The following GRIP1 variants were observed in gnomAD, a reference collection of about 807,000 sequenced individuals.
GRIP1 encodes glutamate receptor interacting protein 1, also known as glutamate receptor-interacting protein 1.
In GRIP1, 45 loss-of-function variants were observed where a neutral mutation model predicts 129.9. The ratio of observed to expected loss-of-function variants is 0.35; its 90% CI spans 0.27 to 0.44. The LOEUF (loss-of-function observed/expected upper bound fraction) is 0.44, where lower values mean the gene tolerates loss of function less well. Ranked by LOEUF, GRIP1 falls within the 20% of genes least tolerant of loss-of-function variation. The probability of loss-of-function intolerance (pLI) is 1.00; values close to 1 mark genes in which losing one functional copy is unlikely to be tolerated. For missense variants in GRIP1, 1,196 were observed against 1,396.8 expected (o/e 0.86, Z 2.29); for synonymous variants, 530 against 520.8 (o/e 1.02, Z -0.24).
At position 66,926,066 on chromosome 12, in the gene GRIP1, C is replaced by T. The variant is rs555481810; in HGVS notation, c.58+142984G>A. ...TCCAAGACTAATGATAATAGACATACTAAGAGGTGAATGGACAGACTTTCC... is the reference window on the plus strand; with the variant it reads ...TCCAAGACTAATGATAATAGACATATTAAGAGGTGAATGGACAGACTTTCC... On this transcript the variant is annotated intron_variant, in intron 1 of 1. Transcript: ENST00000643019. Among the ~76,000 whole-genome samples, 6 of 152,260 alleles carry T rather than the reference C, an allele frequency of 3.9e-5. No individual in the cohort carries two copies. In the East Asian group the frequency reaches 7.7e-4, roughly 20 times the overall value.
chr12:66,655,357 G>A (rs2033080732), intron 1 of GRIP1, among the ~76,000 whole-genome samples: 1 of 152,070 alleles, frequency 6.6e-6, no homozygotes, highest in African/African-American at 2.4e-5. Flanking sequence ...CTGCAAAATT[G>A]AGAAAAGGGT....
chr12:66,572,462 G>A (rs1382198258), intron 2 of GRIP1, among the ~76,000 whole-genome samples: 1 of 152,130 alleles, frequency 6.6e-6, no homozygotes, highest in Non-Finnish European at 1.5e-5. Context: ...GAGGGATCAG[G>A]GCAACTCTCA....
At chr12:66,942,138 T>C (rs965282632) in intron 1 of GRIP1, among the ~76,000 whole-genome samples, 8 of 152,218 alleles carry the variant, frequency 5.3e-5, no homozygotes, top group African/African-American at 1.9e-4. Context: ...TGTTCATTAT[T>C]TTCTGATAAG....
At chr12:66,727,405 C>G (rs1483095821) in intron 1 of GRIP1, among the ~76,000 whole-genome samples, 1 of 152,184 alleles carries the variant, frequency 6.6e-6, no homozygotes, top group Admixed American at 6.5e-5. Flanking sequence ...GCTCAGTCCT[C>G]TTGCTCTTGG....
chr12:67,038,296 G>A (rs1239472871), intron 1 of GRIP1, among the ~76,000 whole-genome samples: 2 of 152,178 alleles, frequency 1.3e-5, no homozygotes, highest in African/African-American at 4.8e-5. Context: ...ATTCCTGTGA[G>A]CCAGCTCCAT....
At chr12:66,863,781 T>C (rs1205880783) in intron 1 of GRIP1, among the ~76,000 whole-genome samples, 3 of 152,130 alleles carry the variant, frequency 2.0e-5, no homozygotes, top group African/African-American at 7.2e-5. Flanking sequence ...TGCAGATCGA[T>C]AATTTTATAA....
At position 66,425,738 on chromosome 12, in the gene GRIP1, C is replaced by T. The variant is rs528119062; in HGVS notation, c.1769-4949G>A. Among the ~76,000 whole-genome samples, 34 of 151,868 alleles carry T rather than the reference C, an allele frequency of 2.2e-4. 2 individuals carry two copies. The South Asian group carries it at 5.4e-3, about 24-fold the overall frequency. On this transcript the variant is annotated intron_variant, in intron 14 of 24. Coordinates refer to ENST00000359742, the MANE Select transcript of GRIP1 (RefSeq NM_001366722.1). ...ATCGCAAGGACAAAAAACCAAACACCGCATATTCTCACTCATAGGTGGGAA... is the reference window on the plus strand; with the variant it reads ...ATCGCAAGGACAAAAAACCAAACACTGCATATTCTCACTCATAGGTGGGAA...
chr12:66,434,287 G>A (rs1244292188), intron 13 of GRIP1, among the ~76,000 whole-genome samples: 3 of 151,980 alleles, frequency 2.0e-5, no homozygotes, highest in Non-Finnish European at 4.4e-5. Context: ...TCCCTCCTTC[G>A]CTCTGGTTTT....
At chr12:66,555,325 A>G (rs910965312) in intron 2 of GRIP1, among the ~76,000 whole-genome samples, 3 of 152,190 alleles carry the variant, frequency 2.0e-5, no homozygotes, top group African/African-American at 7.2e-5. Flanking sequence ...TGAGTCTATA[A>G]GAGCCATAGC....
At chr12:67,002,226 CTAT>C (rs1388308490) in intron 1 of GRIP1, among the ~76,000 whole-genome samples, 1 of 152,182 alleles carries the variant, frequency 6.6e-6, no homozygotes, top group Non-Finnish European at 1.5e-5. Flanking sequence ...TGTAGCACAA[CTAT>C]TTTTTCCCAC....
intron 1 of GRIP1, among the ~76,000 whole-genome samples, chr12:66,780,670 A>G (rs1430008200): frequency 6.6e-6 from 1 of 152,184 alleles, no homozygotes; most frequent in African/African-American, 2.4e-5. Context: ...GATGAGGTCT[A>G]TATCCTCTCC....
At chr12:66,546,532 G>T (rs2061952016) in intron 2 of GRIP1, among the ~76,000 whole-genome samples, 1 of 152,020 alleles carries the variant, frequency 6.6e-6, no homozygotes, top group Admixed American at 6.6e-5. Flanking sequence ...TGGAGGGATA[G>T]ACATATAGAT....
chr12:67,049,910 T>C (rs1227969047), intron 1 of GRIP1, among the ~76,000 whole-genome samples: 3 of 150,134 alleles, frequency 2.0e-5, no homozygotes, highest in Admixed American at 2.0e-4. Flanking sequence ...AAATAATTGG[T>C]AAAAAAAAGT....
At chr12:66,897,248 A>G (rs1252031593) in intron 1 of GRIP1, among the ~76,000 whole-genome samples, 1 of 152,170 alleles carries the variant, frequency 6.6e-6, no homozygotes, top group Non-Finnish European at 1.5e-5. Flanking sequence ...TGAAAGAGCT[A>G]TAAGCGCTCA....
chr12:66,987,615 A>G (rs2042331364), intron 1 of GRIP1, among the ~76,000 whole-genome samples: 2 of 152,194 alleles, frequency 1.3e-5, no homozygotes, highest in South Asian at 2.1e-4. Flanking sequence ...TTGGAGTCCA[A>G]CTGCAAGTAT....
At chr12:66,577,903 A>G (rs1245305545) in intron 2 of GRIP1, among the ~76,000 whole-genome samples, 2 of 152,216 alleles carry the variant, frequency 1.3e-5, no homozygotes, top group East Asian at 3.8e-4. Flanking sequence ...TTAGTGAGCC[A>G]TGATCATGCC....
At chr12:66,515,326 G>GA (rs1275104406) in intron 7 of GRIP1, among the ~76,000 whole-genome samples, 1 of 151,996 alleles carries the variant, frequency 6.6e-6, no homozygotes, top group African/African-American at 2.4e-5. Flanking sequence ...ATTTGGAGGG[G>GA]AAAAAACACT....
chr12:66,838,316 G>A (rs2039654694), intron 1 of GRIP1, among the ~76,000 whole-genome samples: 1 of 151,998 alleles, frequency 6.6e-6, no homozygotes, highest in South Asian at 2.1e-4. Context: ...TTGTTTCTAT[G>A]ATTTTTAGAG....
intron 4 of GRIP1, among the ~76,000 whole-genome samples, chr12:66,533,551 A>G (rs1220517988): frequency 6.6e-6 from 1 of 152,102 alleles, no homozygotes; most frequent in South Asian, 2.1e-4. Flanking sequence ...AGGCTGAGGC[A>G]GGAGAATTGC....
Sources: gnomAD v4.1 joint callset for allele counts (sites outside exome capture counted in the v4.1 genomes callset) on GRCh38, gnomAD v4.1.1 for gene constraint, MANE v1.5 for transcripts, NCBI Gene and HGNC (gene_info 2026-07-23, HGNC 2026-07-21) for gene names.